MTM1: variants seen among roughly 807,000 people sequenced by gnomAD.
MTM1 encodes the protein myotubularin 1.
MTM1 carries 9 observed loss-of-function variants against 52.1 expected under a neutral mutation model. The ratio of observed to expected loss-of-function variants is 0.17; its 90% CI spans 0.10 to 0.30. The LOEUF (loss-of-function observed/expected upper bound fraction) is 0.30. MTM1 is among the 10% of genes least tolerant of loss of function. The pLI is 1.00. For synonymous variants in MTM1, 136 were observed against 163.8 expected (o/e 0.83, Z 1.29); for missense variants, 277 against 470.7 (o/e 0.59, Z 3.81).
At chrX:150,627,100 C>T (rs897267231) in intron 6 of MTM1, among the ~76,000 whole-genome samples, 9 of 111,250 alleles carry the variant, frequency 8.1e-5, no homozygotes, top group African/African-American at 2.6e-4. Flanking sequence ...GCGTAGAATT[C>T]CCCGCTCGCA....
chrX:150,572,333 T>C (rs1376852399), intron 1 of MTM1, among the ~76,000 whole-genome samples: 1 of 111,986 alleles, frequency 8.9e-6, no homozygotes, highest in Non-Finnish European at 1.9e-5. Flanking sequence ...ATTATTATTA[T>C]TGCATGAATG....
At chrX:150,639,934 T>C (rs946552971) in intron 7 of MTM1, among the ~76,000 whole-genome samples, 5 of 112,469 alleles carry the variant, frequency 4.4e-5, no homozygotes, top group Admixed American at 2.8e-4. Context: ...TTTCCTTTTT[T>C]AGTCTTAATC....
chrX:150,606,008 GAA>G (rs1215287963), intron 4 of MTM1, among the ~76,000 whole-genome samples: 2 of 89,350 alleles, frequency 2.2e-5, no homozygotes, highest in Non-Finnish European at 2.3e-5. Context: ...TTTCCTTGAA[GAA>G]AAAAAAAAAA....
At chrX:150,661,007 AT>A (rs1231812094) in intron 13 of MTM1, among the ~76,000 whole-genome samples, 2 of 111,209 alleles carry the variant, frequency 1.8e-5, no homozygotes, top group African/African-American at 6.5e-5. Flanking sequence ...CTTTTTCTTT[AT>A]TTTTTTGTTT....
Position 150,638,940 on chromosome X carries a change from T to C in MTM1, c.445-3T>C, listed in dbSNP as rs2039801440. On this transcript the variant is annotated splice_polypyrimidine_tract_variant and splice_region_variant and intron_variant, in intron 6 of 14. Transcript: ENST00000370396. ...AACTTTATTTATTTTTTGCCTTTTCTAGCCATTATTTGCATTTTTAAATGA... is the reference window on the plus strand; with the variant it reads ...AACTTTATTTATTTTTTGCCTTTTCCAGCCATTATTTGCATTTTTAAATGA... The C allele has an allele frequency of 8.4e-7, 1 of 1,189,976 alleles. No homozygotes were observed. Among genetic ancestry groups the C allele is most frequent in the South Asian group, 1.8e-5 (1 of 56,401 alleles).
intron 6 of MTM1, among the ~76,000 whole-genome samples, chrX:150,626,336 C>T (rs781904266): frequency 2.8e-3 from 309 of 111,568 alleles, no homozygotes; most frequent in African/African-American, 9.7e-3. Context: ...TTTTTTGAGA[C>T]GGAGTCTTGC....
intron 9 of MTM1, among the ~76,000 whole-genome samples, chrX:150,648,877 C>T (rs1557414098): frequency 8.9e-6 from 1 of 112,664 alleles, no homozygotes; most frequent in Admixed American, 9.4e-5. Context: ...AGAAAAAGTT[C>T]GAGCTTTGAA....
rs1258893931 is a variant in MTM1 at position 150,598,621 on chromosome X, A to G, written c.166A>G (p.Asn56Asp). ...AGAAGTTATTTACATATGTCCTTTC[A>G]ATGGCCCCATTAAGGGAAGAGTTTA... ...DKEVIYICPF[N>D]GPIKGRVYIT... Residue 56 changes from asparagine to aspartate, a missense_variant, in exon 4 of 15, where the codon AAT becomes GAT. Asn to Asp is a conservative substitution (Grantham distance 23). This residue lies in a region of MTM1 where 164 missense variants were observed against 283.3 expected (regional missense o/e 0.58). Coordinates refer to ENST00000370396, the MANE Select transcript of MTM1 (RefSeq NM_000252.3). The G allele has an allele frequency of 2.5e-6, 3 of 1,197,955 alleles. No homozygotes were observed. The highest frequency in any genetic ancestry group is 3.4e-6 in the Non-Finnish European group (3 of 884,900).
intron 6 of MTM1, among the ~76,000 whole-genome samples, chrX:150,637,160 T>C (rs2039765036): frequency 8.9e-6 from 1 of 111,870 alleles, no homozygotes; most frequent in Non-Finnish European, 1.9e-5. Flanking sequence ...TGAGAAGACA[T>C]TGTGGAGAGC....
chrX:150,602,488 G>C (rs1300358595), intron 4 of MTM1, among the ~76,000 whole-genome samples: 1 of 112,461 alleles, frequency 8.9e-6, no homozygotes, highest in Non-Finnish European at 1.9e-5. Context: ...AACTTGGGAG[G>C]AAATGGGCTC....
chrX:150,651,944 T>C (rs1405864157), intron 10 of MTM1, among the ~76,000 whole-genome samples: 1 of 110,474 alleles, frequency 9.1e-6, no homozygotes, highest in Non-Finnish European at 1.9e-5. Flanking sequence ...TGAAGGAGGT[T>C]TATTAGCGAG....
At chrX:150,563,981 G>A (rs1557411140), upstream of MTM1, among the ~76,000 whole-genome samples, 1 of 111,442 alleles carries the variant, frequency 9.0e-6, no homozygotes, top group Admixed American at 9.5e-5. Context: ...ATAATGATTT[G>A]GGGGCAATTG....
At chrX:150,654,621 A>C (rs1176369760) in intron 10 of MTM1, among the ~76,000 whole-genome samples, 2 of 111,280 alleles carry the variant, frequency 1.8e-5, no homozygotes, top group Non-Finnish European at 3.8e-5. Flanking sequence ...CTTTATTTTT[A>C]TTTTTGTAGA....
intron 1 of MTM1, among the ~76,000 whole-genome samples, chrX:150,592,392 C>CCTA (rs2038900904): frequency 9.0e-6 from 1 of 111,093 alleles, no homozygotes; most frequent in African/African-American, 3.3e-5. Flanking sequence ...TCTGTTCTCC[C>CCTA]CTAGTCCCCT....
Position 150,671,526 on chromosome X carries a change from G to A in MTM1, c.1743G>A (p.Lys581=). Residue 581 remains lysine (K), a synonymous_variant, in exon 15 of 15, where the codon AAG becomes AAA. Transcript: ENST00000370396. The part of the protein sequence containing the change: ...LEELQLANSA[K]LSDPPTSPSS... ...AACTGCAGCTCGCCAACTCTGCCAA[G>A]CTTTCTGATCCCCCAACTTCACCTT... The A allele has an allele frequency of 4.1e-6, 5 of 1,211,439 alleles. No individual in the cohort carries two copies. The highest frequency in any genetic ancestry group is 5.6e-6 in the Non-Finnish European group (5 of 895,532).
At position 150,619,109 on chromosome X, in the gene MTM1, G is replaced by A. The variant is rs781882033; in HGVS notation, c.414G>A (p.Thr138=). The A allele has an allele frequency of 1.7e-6, 2 of 1,208,642 alleles. No homozygotes were observed. The highest frequency in any genetic ancestry group is 3.5e-5 in the South Asian group (2 of 56,884). ...HSRRDMFEIL[T]RYAFPLAHSL... is the part of the protein sequence containing the mutation. ...GAAGAGATATGTTTGAGATCCTCACGAGATACGCGTTTCCCCTGGCTCACA... is the reference window on the plus strand; with the variant it reads ...GAAGAGATATGTTTGAGATCCTCACAAGATACGCGTTTCCCCTGGCTCACA... Residue 138 remains threonine (T), a synonymous_variant, in exon 6 of 15, where the codon ACG becomes ACA. Transcript: ENST00000370396.
chrX:150,570,387 G>A (rs2038348109), intron 1 of MTM1, among the ~76,000 whole-genome samples: 1 of 111,682 alleles, frequency 9.0e-6, no homozygotes, highest in African/African-American at 3.3e-5. Context: ...GCCAGCTGCT[G>A]CTCCAGTAAA....
chrX:150,599,833 G>A (rs1428612008), intron 4 of MTM1, among the ~76,000 whole-genome samples: 5 of 111,917 alleles, frequency 4.5e-5, no homozygotes, highest in Non-Finnish European at 9.4e-5. Flanking sequence ...GGAGATGAGT[G>A]AATGTTCTAG....
intron 4 of MTM1, among the ~76,000 whole-genome samples, chrX:150,612,207 A>G (rs782604745): frequency 1.2e-4 from 13 of 108,674 alleles, no homozygotes; most frequent in South Asian, 1.2e-3. Flanking sequence ...AAAAAAAAAG[A>G]TTGGCGATTT....
Sources: gnomAD v4.1 joint callset for allele counts (sites outside exome capture counted in the v4.1 genomes callset) on GRCh38, gnomAD v4.1.1 for gene constraint, gnomAD v4.1.1 regional missense constraint, MANE v1.5 for transcripts, NCBI Gene and HGNC (gene_info 2026-07-23, HGNC 2026-07-21) for gene names.